The following RCAN2 variants were observed in gnomAD, a reference collection of about 807,000 sequenced individuals.
RCAN2 encodes the protein regulator of calcineurin 2, also known as calcipressin-2.
Under a neutral mutation model 23.6 loss-of-function variants are expected in RCAN2, and 9 were observed. The observed-to-expected ratio is 0.38, with a 90% CI of 0.23 to 0.67. The LOEUF (loss-of-function observed/expected upper bound fraction) is 0.67. Among genes scored for constraint, RCAN2 ranks in the 30% least tolerant of loss-of-function variants. The pLI is 0.51. For synonymous variants in RCAN2, 109 were observed against 115.7 expected (o/e 0.94, Z 0.37); for missense variants, 273 against 302.3 (o/e 0.90, Z 0.72).
At chr6:46,433,710 C>G (rs901788442) in intron 2 of RCAN2, among the ~76,000 whole-genome samples, 4 of 152,170 alleles carry the variant, frequency 2.6e-5, no homozygotes, top group Non-Finnish European at 5.9e-5. Context: ...CTGCTGACAC[C>G]TAGATTTTAG....
intron 2 of RCAN2, among the ~76,000 whole-genome samples, chr6:46,301,502 C>A (rs183363615): frequency 2.6e-5 from 4 of 152,204 alleles, no homozygotes; most frequent in Non-Finnish European, 5.9e-5. Flanking sequence ...TTCATTCATT[C>A]AACAAACATC....
chr6:46,429,468 G>C (rs1005365426), intron 2 of RCAN2, among the ~76,000 whole-genome samples: 1 of 152,160 alleles, frequency 6.6e-6, no homozygotes, highest in African/African-American at 2.4e-5. Flanking sequence ...AGACTGCAGA[G>C]TACTCTTCAG....
intron 1 of RCAN2, among the ~76,000 whole-genome samples, chr6:46,457,739 A>T (rs1445187785): frequency 2.0e-5 from 3 of 152,132 alleles, no homozygotes; most frequent in Non-Finnish European, 4.4e-5. Context: ...CCAGGTCCAG[A>T]TCCTAAAAAA....
intron 2 of RCAN2, among the ~76,000 whole-genome samples, chr6:46,301,769 T>C (rs939629746): frequency 6.6e-6 from 1 of 151,768 alleles, no homozygotes; most frequent in Non-Finnish European, 1.5e-5. Flanking sequence ...ACATAGAAAA[T>C]TAAAGGCAGA....
At chr6:46,422,339 G>A (rs1234781840) in intron 2 of RCAN2, among the ~76,000 whole-genome samples, 1 of 152,116 alleles carries the variant, frequency 6.6e-6, no homozygotes, top group African/African-American at 2.4e-5. Flanking sequence ...CACCAGAAGT[G>A]GATGCTGGCA....
intron 2 of RCAN2, among the ~76,000 whole-genome samples, chr6:46,382,333 C>T (rs1765632423): frequency 6.6e-6 from 1 of 152,158 alleles, no homozygotes; most frequent in Admixed American, 6.5e-5. Context: ...TAAGAGCTCT[C>T]AATTGAAATG....
chr6:46,247,875 G>C (rs896040815), intron 3 of RCAN2, among the ~76,000 whole-genome samples: 1 of 152,184 alleles, frequency 6.6e-6, no homozygotes, highest in African/African-American at 2.4e-5. Flanking sequence ...TGCTGGGCCA[G>C]ATGGTAATTC....
At chr6:46,397,450 G>A (rs1352953409) in intron 2 of RCAN2, among the ~76,000 whole-genome samples, 2 of 151,756 alleles carry the variant, frequency 1.3e-5, no homozygotes, top group African/African-American at 4.8e-5. Context: ...AAGGTCTGAA[G>A]TCTAGTTAAG....
intron 2 of RCAN2, among the ~76,000 whole-genome samples, chr6:46,333,045 T>G (rs1181224622): frequency 6.6e-6 from 1 of 152,240 alleles, no homozygotes; most frequent in Non-Finnish European, 1.5e-5. Context: ...TGATTTCCAT[T>G]TCTCTGATGG....
At chr6:46,464,468 C>A (rs1183401160) in intron 1 of RCAN2, among the ~76,000 whole-genome samples, 2 of 152,034 alleles carry the variant, frequency 1.3e-5, no homozygotes, top group Non-Finnish European at 2.9e-5. Flanking sequence ...ATATCTAGAT[C>A]CTCCTAGGGA....
chr6:46,441,190 A>C (rs1346965760), intron 2 of RCAN2, among the ~76,000 whole-genome samples: 1 of 152,230 alleles, frequency 6.6e-6, no homozygotes, highest in African/African-American at 2.4e-5. Context: ...TGTCTACTTC[A>C]TCTCATTTAA....
intron 2 of RCAN2, chr6:46,325,892 A>G: frequency 1.0e-6 from 1 of 985,288 alleles, no homozygotes; most frequent in Non-Finnish European, 1.2e-6. Context: ...GTTTGCAAAA[A>G]GCAGGAGGGG....
At chr6:46,227,553 A>G (rs1765715495) in intron 4 of RCAN2, among the ~76,000 whole-genome samples, 1 of 149,588 alleles carries the variant, frequency 6.7e-6, no homozygotes, top group Non-Finnish European at 1.5e-5. Flanking sequence ...TATCTTCTAG[A>G]TTTTCTAGTT....
chr6:46,286,630 A>C (rs1338129326), intron 2 of RCAN2, among the ~76,000 whole-genome samples: 1 of 152,204 alleles, frequency 6.6e-6, no homozygotes, highest in East Asian at 1.9e-4. Flanking sequence ...AGACATGTAC[A>C]GAACTTCTGG....
chr6:46,486,960 T>A (rs530060214), intron 1 of RCAN2, among the ~76,000 whole-genome samples: 40 of 152,184 alleles, frequency 2.6e-4, no homozygotes, highest in Non-Finnish European at 5.4e-4. Context: ...ATTCCTCAAC[T>A]AATTAATTTA....
intron 2 of RCAN2, among the ~76,000 whole-genome samples, chr6:46,335,733 C>G (rs1439901112): frequency 6.6e-6 from 1 of 152,180 alleles, no homozygotes; most frequent in Non-Finnish European, 1.5e-5. Flanking sequence ...ATAGTGCTAT[C>G]TATCTAGTTT....
chr6:46,224,389 A>G (rs189738243), intron 4 of RCAN2, among the ~76,000 whole-genome samples: 7 of 152,342 alleles, frequency 4.6e-5, no homozygotes, highest in African/African-American at 1.7e-4. Flanking sequence ...TAGATCTCAC[A>G]AGATCAAGTA....
chr6:46,224,874 G>C (rs1212883903), intron 4 of RCAN2, among the ~76,000 whole-genome samples: 5 of 151,698 alleles, frequency 3.3e-5, no homozygotes, highest in African/African-American at 4.8e-5. Flanking sequence ...GTGCCATGTT[G>C]GTGTGCTACA....
At chr6:46,475,924 G>T (rs1157505154) in intron 1 of RCAN2, among the ~76,000 whole-genome samples, 1 of 152,134 alleles carries the variant, frequency 6.6e-6, no homozygotes, top group African/African-American at 2.4e-5. Context: ...CTCTTTTCCA[G>T]TGTTCATTTA....
Sources: gnomAD v4.1 joint callset for allele counts (sites outside exome capture counted in the v4.1 genomes callset) on GRCh38, gnomAD v4.1.1 for gene constraint, MANE v1.5 for transcripts, NCBI Gene and HGNC (gene_info 2026-07-23, HGNC 2026-07-21) for gene names.